Variants in PIGA observed in about 807,000 individuals in gnomAD.
PIGA encodes phosphatidylinositol glycan anchor biosynthesis class A.
PIGA carries 3 observed loss-of-function variants against 17.1 expected under a neutral mutation model. That is an observed-to-expected ratio of 0.18 (90% CI 0.08 to 0.45). The LOEUF (loss-of-function observed/expected upper bound fraction) is 0.45. Ranked by LOEUF, PIGA falls within the 20% of genes least tolerant of loss-of-function variation. PIGA has a pLI of 0.99. For synonymous variants in PIGA, 126 were observed against 135.1 expected, an observed-to-expected ratio of 0.93 and a Z score of 0.47; for missense variants, 231 against 374.1, an observed-to-expected ratio of 0.62 and a Z score of 3.16.
At chrX:15,335,344 CCCCAACCTACTCTGGAGACCCTCCGA>C in intron 1 of PIGA, 131 bp downstream of exon 1, 1 of 445,647 alleles carries the variant, frequency 2.2e-6, no homozygotes, top group Non-Finnish European at 3.3e-6. Context: ...GCACCCTCAG[CCCCAACCTACTCTGGAGACCCTCCGA>C]CCCAACTTCC....
At chrX:15,331,190 T>C in intron 2 of PIGA, 26 bp downstream of exon 2, 1 of 1,090,573 alleles carries the variant, frequency 9.2e-7, no homozygotes, top group Non-Finnish European at 1.2e-6. Flanking sequence ...AAGTCTACAA[T>C]GCAATTATAG....
At chrX:15,327,303 T>TCCA (rs1413937001) in intron 2 of PIGA, 4 of 109,094 alleles carry the variant, frequency 3.7e-5, no homozygotes, top group Non-Finnish European at 7.7e-5. Flanking sequence ...TATAAAATAA[T>TCCA]CCACCTAGAG....
intron 1 of PIGA, among the ~76,000 whole-genome samples, chrX:15,332,835 A>G (rs767123305): frequency 1.8e-5 from 2 of 112,036 alleles, no homozygotes; most frequent in East Asian, 5.6e-4. Context: ...GACTACATGG[A>G]AAGAGCCAGA....
rs745866722 is a variant in PIGA at position 15,327,442 on chromosome X, A to G, written c.716-1396T>C. The stretch of plus-strand genomic sequence containing the variant: ...TCAGATATAAAATAGGAGAAATGAC[A>G]TATATATTATAGGGTCATTTTTATT... On this transcript the variant is annotated intron_variant, in intron 2 of 5. Coordinates refer to ENST00000333590, the MANE Select transcript of PIGA (RefSeq NM_002641.4). Among the ~76,000 whole-genome samples, 709 of 111,644 alleles carry G rather than the reference A, an allele frequency of 6.4e-3. 8 individuals carry two copies. The highest frequency in any genetic ancestry group is 0.022 in the African/African-American group (669 of 30,784).
chrX:15,329,611 T>G (rs776133231), intron 2 of PIGA, among the ~76,000 whole-genome samples: 7 of 110,610 alleles, frequency 6.3e-5, no homozygotes, highest in Non-Finnish European at 1.3e-4. Context: ...TAAGGGGGTA[T>G]GTATTTATGT....
rs1380833875 is a variant in PIGA, at chrX:15,331,896, C to T, written c.35G>A (p.Arg12His). Residue 12 changes from arginine (R) to histidine (H), a missense_variant, in exon 2 of 6, where the codon CGT becomes CAT. Physicochemically the swap from Arg to His is conservative, Grantham distance 29. Around this residue, in one of 5 missense-constraint regions of PIGA, gnomAD observed 29 missense variants for 28.1 expected, o/e 1.03. Transcript: ENST00000333590. The stretch of plus-strand genomic sequence containing the variant: ...AACCCGAGAGAGTGTAGCTGAGGCA[C>T]GGTGGCCATTCCCAGCTCCTCCTCT... Reference protein sequence around the residue: ...ACRGGAGNGHRASATLSRVSP... With the variant: ...ACRGGAGNGHHASATLSRVSP... The T allele has an allele frequency of 5.0e-6, 6 of 1,205,246 alleles. No individual in the cohort carries two copies. The African/African-American group carries it at 5.3e-5, about 11-fold the overall frequency.
intron 4 of PIGA, 39 bp from the exon 5 acceptor site, chrX:15,324,910 A>G: frequency 8.7e-7 from 1 of 1,150,972 alleles, no homozygotes; most frequent in East Asian, 3.0e-5. Flanking sequence ...CACCATAATC[A>G]TACCTCAGGA....
chrX:15,321,838 C>T (rs1477797330), intron 5 of PIGA, 66 bp from the exon 6 acceptor site: 2 of 997,543 alleles, frequency 2.0e-6, no homozygotes, highest in Non-Finnish European at 2.8e-6. Context: ...CCATGATAAA[C>T]AATGACCCGA....
At chrX:15,333,053 C>T (rs1269527548) in intron 1 of PIGA, among the ~76,000 whole-genome samples, 2 of 111,950 alleles carry the variant, frequency 1.8e-5, no homozygotes, top group Non-Finnish European at 3.8e-5. Flanking sequence ...TATACTGGTC[C>T]ACTGCCTGTT....
In PIGA at chrX:15,328,751, C is replaced by T. The variant is rs147110145; in HGVS notation, c.715+2465G>A. 9.8e-5 allele frequency: 11 copies of T among 111,819 alleles called. No individual in the cohort carries two copies. In the East Asian group the frequency reaches 2.8e-3, roughly 29 times the overall value. The allele number at this position is 111,819 out of a possible 1,213,427, so 9.2% of individuals were successfully genotyped here. Reference sequence around the variant, plus strand: ...TGGTTAGCTCAGCTAGTTAAAATACCACATTAGGGAAGTAAAGGTAACAGG... The same window carrying T: ...TGGTTAGCTCAGCTAGTTAAAATACTACATTAGGGAAGTAAAGGTAACAGG... On this transcript the variant is annotated intron_variant, in intron 2 of 5. Transcript: ENST00000333590.
At chrX:15,327,221 T>A (rs1315084003) in intron 2 of PIGA, 2 of 103,213 alleles carry the variant, frequency 1.9e-5, no homozygotes, top group East Asian at 5.9e-4. Context: ...ATTGCGCCAC[T>A]GCACTCCAGC....
chrX:15,335,066 G>C (rs1442596783), intron 1 of PIGA, among the ~76,000 whole-genome samples: 1 of 112,044 alleles, frequency 8.9e-6, no homozygotes, highest in East Asian at 2.8e-4. Context: ...TGGGTCAAGA[G>C]AATGGTACTT....
Position 15,324,665 on chromosome X carries a change from C to A in PIGA, c.1188G>T (p.Lys396Asn). The A allele has an allele frequency of 8.5e-7, 1 of 1,176,516 alleles. No individual in the cohort carries two copies. The highest frequency in any genetic ancestry group is 1.2e-6 in the Non-Finnish European group (1 of 864,330). The change falls in exon 5 of 6, where the codon AAG (lysine) becomes AAT (asparagine). Residue 396 changes from lysine to asparagine, a missense_variant and splice_region_variant. Physicochemically the swap from Lys to Asn is moderately conservative, Grantham distance 94 (BLOSUM62 0). Coordinates refer to ENST00000333590, the MANE Select transcript of PIGA (RefSeq NM_002641.4). ...AATCTTTTCTCAGCATGTGACATAC[C>A]TTTTCAGTTCTTTCTGCAACATTCC... ...TWRNVAERTEKVYDRVSVEAV... is the reference protein window; with the variant it reads ...TWRNVAERTENVYDRVSVEAV...
intron 2 of PIGA, chrX:15,328,192 T>C (rs374516977): frequency 8.9e-6 from 1 of 112,329 alleles, no homozygotes; most frequent in East Asian, 2.8e-4. Context: ...TCTCTGTTAC[T>C]TACTGTGTAA....
rs763950698 is a variant in PIGA at position 15,331,268 on chromosome X, T to C, written c.663A>G (p.Arg221=). The change falls in exon 2 of 6, where the codon AGA becomes AGG. Residue 221 remains arginine, a synonymous_variant. Transcript: ENST00000333590. ...CAACAATAGTTATACTATCATGCCT[T>C]CTAAATGGGTCTGGAGTGAAGTCAG... ...DPTDFTPDPF[R]RHDSITIVVV... is the part of the protein sequence containing the mutation. 2.5e-6 allele frequency: 3 copies of C among 1,204,422 alleles called. No individual in the cohort carries two copies. In the East Asian group the frequency reaches 8.9e-5, roughly 36 times the overall value.
In PIGA at chrX:15,321,476, T is replaced by C; in HGVS notation, c.*30A>G. 2 of 1,156,822 alleles carry C rather than the reference T, an allele frequency of 1.7e-6. No individual in the cohort carries two copies. The highest frequency in any genetic ancestry group is 2.4e-6 in the Non-Finnish European group (2 of 850,417). ...ATAGTCTTTATAGAACTATTACAAATGTTTAAAATCTTACAATCTAGGCTT... is the reference window on the plus strand; with the variant it reads ...ATAGTCTTTATAGAACTATTACAAACGTTTAAAATCTTACAATCTAGGCTT... On this transcript the variant is annotated 3_prime_UTR_variant, in exon 6 of 6. Transcript: ENST00000333590.
At chrX:15,331,031 C>A in intron 2 of PIGA, 185 bp downstream of exon 2, 1 of 395,839 alleles carries the variant, frequency 2.5e-6, no homozygotes, top group South Asian at 5.0e-5. Flanking sequence ...CAGCATTCAC[C>A]ACCATCCTGA....
intron 3 of PIGA, chrX:15,325,634 G>A (rs1387886021): frequency 2.0e-5 from 4 of 197,608 alleles, no homozygotes; most frequent in Non-Finnish European, 3.6e-5. Flanking sequence ...ATCTGCAAAC[G>A]CTTCCAGTTA....
chrX:15,321,233 C>G lies in PIGA; in HGVS notation c.*273G>C, dbSNP rs1270653011. 66 of 230,296 alleles carry G rather than the reference C, an allele frequency of 2.9e-4. 4 individuals are homozygous for G. Among genetic ancestry groups the G allele is most frequent in the Non-Finnish European group, 2.3e-5 (3 of 128,620 alleles). 19.0% of individuals were successfully genotyped at this position (230,296 alleles called of 1,213,427 possible). ...CTCTCAAAATATAATGTTAAAACAT[C>G]TCTGCTACAGGGATTTCAGTAGTCT... On this transcript the variant is annotated 3_prime_UTR_variant, in exon 6 of 6. Transcript: ENST00000333590.
Sources: allele counts gnomAD v4.1 joint callset (sites outside exome capture counted in the v4.1 genomes callset), GRCh38; gene constraint gnomAD v4.1.1; regional missense constraint gnomAD v4.1.1; transcripts MANE v1.5; gene names NCBI Gene and HGNC (gene_info 2026-07-23, HGNC 2026-07-21).